MFSD2A: variants seen among roughly 807,000 people sequenced by gnomAD.
The protein encoded by MFSD2A is sodium-dependent lysophosphatidylcholine symporter 1.
MFSD2A carries 27 observed loss-of-function variants against 64.7 expected under a neutral mutation model. That is an observed-to-expected ratio of 0.42 (90% CI 0.31 to 0.58). The LOEUF (loss-of-function observed/expected upper bound fraction) is 0.58. Among genes scored for constraint, MFSD2A ranks in the 20% least tolerant of loss-of-function variants. The pLI is 0.18. For synonymous variants in MFSD2A, 258 were observed against 273.4 expected, an observed-to-expected ratio of 0.94 and a Z score of 0.55; for missense variants, 474 against 679.5, an observed-to-expected ratio of 0.70 and a Z score of 3.36.
In MFSD2A at chr1:39,966,836, G is replaced by A; in HGVS notation, c.831G>A (p.Glu277=). The A allele has an allele frequency of 1.9e-6, 3 of 1,614,106 alleles. No homozygotes were observed. The highest frequency in any genetic ancestry group is 2.5e-6 in the Non-Finnish European group (3 of 1,180,034). ...QREPYEAQQS[E]PIAYFRGLRL... is the part of the protein sequence containing the mutation. ...AACCCTATGAAGCCCAGCAGTCTGAGCCAATCGCCTACTTCCGGGGCCTAC... is the reference window on the plus strand; with the variant it reads ...AACCCTATGAAGCCCAGCAGTCTGAACCAATCGCCTACTTCCGGGGCCTAC... Residue 277 remains glutamate (E), a synonymous_variant, in exon 8 of 14, where the codon GAG becomes GAA. Transcript: ENST00000372811.
In MFSD2A at chr1:39,968,771, G is replaced by A. The variant is rs368732081; in HGVS notation, c.1529+26G>A. On this transcript the variant is annotated intron_variant, in intron 13 of 13. Coordinates refer to ENST00000372811, the MANE Select transcript of MFSD2A (RefSeq NM_032793.5). The surrounding 1 kb of genome is among the most constrained non-coding windows in gnomAD (Gnocchi z 4.4). Reference sequence around the variant, plus strand: ...GTGAGTGGGGAGGGGACAGGATGCTGGAGGAGGGGACGTCACTGTGTCTAA... The same window carrying A: ...GTGAGTGGGGAGGGGACAGGATGCTAGAGGAGGGGACGTCACTGTGTCTAA... 1 of 1,612,624 alleles carries A rather than the reference G, an allele frequency of 6.2e-7. No individual in the cohort carries two copies. The highest frequency in any genetic ancestry group is 8.5e-7 in the Non-Finnish European group (1 of 1,179,540).
chr1:39,961,723 G>A (rs887703892), intron 3 of MFSD2A, among the ~76,000 whole-genome samples: 37 of 151,580 alleles, frequency 2.4e-4, no homozygotes, highest in African/African-American at 8.7e-4. Flanking sequence ...TGTTGCCCAG[G>A]CTGTTCTTAA....
chr1:39,960,815 C>T lies in MFSD2A; in HGVS notation c.353+1990C>T, dbSNP rs570489410. On this transcript the variant is annotated intron_variant, in intron 3 of 13. Coordinates refer to ENST00000372811, the MANE Select transcript of MFSD2A (RefSeq NM_032793.5). This position sits in a 1 kb window ranked among gnomAD's most constrained non-coding sequence, Gnocchi z 4.8. ...GGAACTGAGCAACTTCCTGGGCAGG[C>T]GTGGCAGCCAGTTTGGGGAAGTTGC... Among the ~76,000 whole-genome samples the T allele has an allele frequency of 7.9e-4, 120 of 152,282 alleles. No homozygotes were observed. Among genetic ancestry groups the T allele is most frequent in the Non-Finnish European group, 1.4e-3 (94 of 68,010 alleles).
rs1432348323 is a variant in MFSD2A at position 39,965,846 on chromosome 1, T to C, written c.557-11T>C. ...GAGGCCCCTCCAAAACACCTCCTTT[T>C]CTCCTGCCAGGGATGACTGTGGAAG... On this transcript the variant is annotated splice_polypyrimidine_tract_variant and intron_variant, in intron 5 of 13. Coordinates refer to ENST00000372811, the MANE Select transcript of MFSD2A (RefSeq NM_032793.5). This position sits in a 1 kb window ranked among gnomAD's most constrained non-coding sequence, Gnocchi z 5.5. The C allele has an allele frequency of 1.2e-6, 2 of 1,613,256 alleles. No homozygotes were observed. The highest frequency in any genetic ancestry group is 1.7e-5 in the Admixed American group (1 of 59,994).
Position 39,969,518 on chromosome 1 carries a change from A to C in MFSD2A, c.1543A>C (p.Ser515Arg), listed in dbSNP as rs1418224866. ...ALQALRDEAS[S>R]SGCSETDSTE... is the part of the protein sequence containing the mutation. ...TCTCTCTTGCAGGGACGAGGCCAGC[A>C]GCTCTGGCTGCTCAGAAACAGACTC... is the stretch of plus-strand genomic sequence containing the variant. The change falls in exon 14 of 14, where the codon AGC (serine) becomes CGC (arginine). Residue 515 changes from serine to arginine, a missense_variant. Ser to Arg is a moderately radical substitution (Grantham distance 110, BLOSUM62 -1). Coordinates refer to ENST00000372811, the MANE Select transcript of MFSD2A (RefSeq NM_032793.5). 1 of 1,598,532 alleles carries C rather than the reference A, an allele frequency of 6.3e-7. No individual in the cohort carries two copies. Among genetic ancestry groups the C allele is most frequent in the African/African-American group, 1.4e-5 (1 of 73,562 alleles).
Position 39,968,381 on chromosome 1 carries a change from A to G in MFSD2A, c.1256A>G (p.His419Arg), listed in dbSNP as rs775783815. Residue 419 changes from histidine to arginine, a missense_variant, in exon 12 of 14, where the codon CAC becomes CGC. By Grantham distance (29) the His-to-Arg change is conservative (BLOSUM62 0). Transcript: ENST00000372811. This position sits in a 1 kb window ranked among gnomAD's most constrained non-coding sequence, Gnocchi z 4.4. ...GACGACTTCCATCTGAAGCAGCCCC[A>G]CTTCCATGGAACCGAGCCCATCTTC... ...VIDDFHLKQP[H>R]FHGTEPIFFS... 1.2e-6 allele frequency: 2 copies of G among 1,613,984 alleles called. No individual in the cohort carries two copies. Among genetic ancestry groups the G allele is most frequent in the Admixed American group, 3.3e-5 (2 of 59,998 alleles).
rs913649699 is a variant in MFSD2A at position 39,963,932 on chromosome 1, C to T, written c.354-1279C>T. Among the ~76,000 whole-genome samples the T allele has an allele frequency of 3.9e-5, 6 of 152,004 alleles. No homozygotes were observed. The highest frequency in any genetic ancestry group is 1.4e-4 in the African/African-American group (6 of 41,382). ...GTATTTTTAGTAGAGACGGAGGTTT[C>T]GCCATGTTGGGCAGGCTGGTCTTGA... On this transcript the variant is annotated intron_variant, in intron 3 of 13. Coordinates refer to ENST00000372811, the MANE Select transcript of MFSD2A (RefSeq NM_032793.5). The surrounding 1 kb of genome is among the most constrained non-coding windows in gnomAD (Gnocchi z 4.2).
In MFSD2A at chr1:39,968,276, A is replaced by G. The variant is rs1645206429; in HGVS notation, c.1209-58A>G. 10 of 1,611,208 alleles carry G rather than the reference A, an allele frequency of 6.2e-6. No homozygotes were observed. The South Asian group carries it at 9.9e-5, about 16-fold the overall frequency. ...AGCTTCCAGAGGGCCACCTCTTCTC[A>G]TTAACACAGAGGCCCGTTAGGTGGG... On this transcript the variant is annotated intron_variant, in intron 11 of 13. Coordinates refer to ENST00000372811, the MANE Select transcript of MFSD2A (RefSeq NM_032793.5). This position sits in a 1 kb window ranked among gnomAD's most constrained non-coding sequence, Gnocchi z 4.4.
rs1468198092 is a variant in MFSD2A, at chr1:39,968,715, G to A, written c.1499G>A (p.Arg500Gln). The change falls in exon 13 of 14, where the codon CGG (arginine) becomes CAG (glutamine). Residue 500 changes from arginine to glutamine, a missense_variant. Transcript: ENST00000372811. This position sits in a 1 kb window ranked among gnomAD's most constrained non-coding sequence, Gnocchi z 4.4. ...TACCCCATTGATGAGGAGAGGCGGC[G>A]GCAGAATAAGAAGGCCCTGCAGGCA... ...KMYPIDEERR[R>Q]QNKKALQALR... 9 of 1,614,022 alleles carry A rather than the reference G, an allele frequency of 5.6e-6. No individual in the cohort carries two copies. Among genetic ancestry groups the A allele is most frequent in the East Asian group, 2.2e-5 (1 of 44,868 alleles).
At chr1:39,966,223 A>G (rs1485531529) in intron 6 of MFSD2A, among the ~76,000 whole-genome samples, 1 of 152,264 alleles carries the variant, frequency 6.6e-6, no homozygotes, top group Non-Finnish European at 1.5e-5. Flanking sequence ...TCATAAAGTT[A>G]GTGAATTGCA....
intron 2 of MFSD2A, among the ~76,000 whole-genome samples, chr1:39,957,471 C>G (rs1644955286): frequency 6.6e-6 from 1 of 152,124 alleles, no homozygotes; most frequent in Admixed American, 6.6e-5. Context: ...AGCAACAGAG[C>G]CTGAAGGGGT....
In MFSD2A at chr1:39,963,884, G is replaced by A. The variant is rs1470067460; in HGVS notation, c.354-1327G>A. ...CGAGGAGCTGGGACTACAGGTGTGC[G>A]CCACCATGCCTGGTTAATTTTTGTA... On this transcript the variant is annotated intron_variant, in intron 3 of 13. Coordinates refer to ENST00000372811, the MANE Select transcript of MFSD2A (RefSeq NM_032793.5). This position sits in a 1 kb window ranked among gnomAD's most constrained non-coding sequence, Gnocchi z 4.2. Among the ~76,000 whole-genome samples the A allele has an allele frequency of 6.6e-6, 1 of 152,118 alleles. No homozygotes were observed. Among genetic ancestry groups the A allele is most frequent in the Non-Finnish European group, 1.5e-5 (1 of 68,032 alleles).
rs1645147378 is a variant in MFSD2A at position 39,965,763 on chromosome 1, C to T, written c.557-94C>T. 4 of 1,521,938 alleles carry T rather than the reference C, an allele frequency of 2.6e-6. No homozygotes were observed. In the South Asian group the frequency reaches 4.8e-5, roughly 18 times the overall value. 94.3% of individuals were successfully genotyped at this position (1,521,938 alleles called of 1,614,324 possible). ...ACCCCACTACCTCTACCCACCCTGC[C>T]TGGAGCTACCGCTGGGCTCCCACCC... On this transcript the variant is annotated intron_variant, in intron 5 of 13. Coordinates refer to ENST00000372811, the MANE Select transcript of MFSD2A (RefSeq NM_032793.5). This position sits in a 1 kb window ranked among gnomAD's most constrained non-coding sequence, Gnocchi z 5.5.
rs745791004 is a variant in MFSD2A, at chr1:39,966,014, G to C, written c.714G>C (p.Thr238=). The change falls in exon 6 of 14, where the codon ACG becomes ACC. Residue 238 remains threonine, a splice_region_variant and synonymous_variant. Transcript: ENST00000372811. The part of the protein sequence containing the change: ...HTHGTTSHRE[T]QKAYLLAAGV... ...ATGGCACCACCTCACACAGGGAAAC[G>C]GTGAGGCCCTGGGCAGGGCAGGGAT... 4 of 1,614,150 alleles carry C rather than the reference G, an allele frequency of 2.5e-6. No individual in the cohort carries two copies. Among genetic ancestry groups the C allele is most frequent in the Non-Finnish European group, 3.4e-6 (4 of 1,179,994 alleles).
In MFSD2A at chr1:39,968,145, C is replaced by G; in HGVS notation, c.1209-189C>G. The stretch of plus-strand genomic sequence containing the variant: ...AATCTGGCCTGGGCTCCACTTGCCA[C>G]GCTGAGCACCTCCAGGCAGGGTTAC... On this transcript the variant is annotated intron_variant, in intron 11 of 13. Coordinates refer to ENST00000372811, the MANE Select transcript of MFSD2A (RefSeq NM_032793.5). This position sits in a 1 kb window ranked among gnomAD's most constrained non-coding sequence, Gnocchi z 4.4. 1.4e-6 allele frequency: 1 copy of G among 725,134 alleles called. No homozygotes were observed. Among genetic ancestry groups the G allele is most frequent in the South Asian group, 1.9e-5 (1 of 52,300 alleles). The allele number at this position is 725,134 out of a possible 1,614,324, so 44.9% of individuals were successfully genotyped here. A position where few individuals can be genotyped will look rare whatever the true frequency, so the allele number is the denominator to read the frequency against.
At position 39,960,625 on chromosome 1, in the gene MFSD2A, G is replaced by A. The variant is rs1645018690; in HGVS notation, c.353+1800G>A. The stretch of plus-strand genomic sequence containing the variant: ...GCAGCCGCTCCCAGGGATGGTGGCT[G>A]CAGGCCGGGTTACTCCCAGTTACAC... On this transcript the variant is annotated intron_variant, in intron 3 of 13. Transcript: ENST00000372811. The surrounding 1 kb of genome is among the most constrained non-coding windows in gnomAD (Gnocchi z 4.8). 6.6e-6 allele frequency among the ~76,000 whole-genome samples: 1 copy of A among 152,272 alleles called. No individual in the cohort carries two copies.
intron 11 of MFSD2A, 21 bp downstream of exon 11, chr1:39,967,937 C>G (rs773506908): frequency 6.7e-7 from 1 of 1,491,398 alleles, no homozygotes; most frequent in Non-Finnish European, 9.3e-7. Context: ...ACAGGCCCCC[C>G]TCCTCGGGTA....
Position 39,962,861 on chromosome 1 carries a change from G to A in MFSD2A, c.354-2350G>A, listed in dbSNP as rs547549070. 5,628 of 1,565,478 alleles carry A rather than the reference G, an allele frequency of 3.6e-3. 16 individuals carry two copies. Among genetic ancestry groups the A allele is most frequent in the Non-Finnish European group, 4.4e-3 (5,103 of 1,160,108 alleles). On this transcript the variant is annotated intron_variant, in intron 3 of 13. Coordinates refer to ENST00000372811, the MANE Select transcript of MFSD2A (RefSeq NM_032793.5). Reference sequence around the variant, plus strand: ...TCCTGGGGGCCTCTCTCAAGGATGAGGTTTTGAAGATTATGCCAGTGCAGA... The same window carrying A: ...TCCTGGGGGCCTCTCTCAAGGATGAAGTTTTGAAGATTATGCCAGTGCAGA...
At position 39,959,250 on chromosome 1, in the gene MFSD2A, CT is replaced by C. The variant is rs747125051; in HGVS notation, c.353+439del. Reference sequence around the variant, plus strand: ...TCTTTCTTTCTTTCTATCTTTCTTTCTTTTTTTTTTTTTTAGAGACAGGGTC... The same window carrying C: ...TCTTTCTTTCTTTCTATCTTTCTTTCTTTTTTTTTTTTTAGAGACAGGGTC... On this transcript the variant is annotated intron_variant, in intron 3 of 13. Coordinates refer to ENST00000372811, the MANE Select transcript of MFSD2A (RefSeq NM_032793.5). Among the ~76,000 whole-genome samples the C allele has an allele frequency of 6.0e-3, 854 of 141,746 alleles. 1 individual carries two copies. The highest frequency in any genetic ancestry group is 7.9e-3 in the African/African-American group (308 of 38,794). The allele number at this position is 141,746 out of a possible 152,430, so 93.0% of individuals were successfully genotyped here.
Sources: gnomAD v4.1 joint callset for allele counts (sites outside exome capture counted in the v4.1 genomes callset) on GRCh38, gnomAD v4.1.1 for gene constraint, Gnocchi (gnomAD v3.1) non-coding constraint, MANE v1.5 for transcripts, NCBI Gene and HGNC (gene_info 2026-07-23, HGNC 2026-07-21) for gene names.